SPTB: variants seen among roughly 807,000 people sequenced by gnomAD.
SPTB encodes the protein spectrin beta, erythrocytic.
Under a neutral mutation model 256.2 loss-of-function variants are expected in SPTB, and 45 were observed. That is an observed-to-expected ratio of 0.18 (90% CI 0.14 to 0.23). The LOEUF (loss-of-function observed/expected upper bound fraction) is 0.23. Ranked by LOEUF, SPTB falls within the 10% of genes least tolerant of loss-of-function variation. SPTB has a pLI of 1.00. For synonymous variants in SPTB, 1,231 were observed against 1,243.1 expected, an observed-to-expected ratio of 0.99 and a Z score of 0.21; for missense variants, 2,715 against 3,040.4, an observed-to-expected ratio of 0.89 and a Z score of 2.52.
At chr14:64,833,566 A>T (rs1360808442) in intron 1 of SPTB, among the ~76,000 whole-genome samples, 2 of 151,156 alleles carry the variant, frequency 1.3e-5, no homozygotes, top group East Asian at 3.9e-4. Flanking sequence ...AAAAAAAAAG[A>T]AAAGAAACCT....
Position 64,830,567 on chromosome 14 carries a change from C to T in SPTB, c.-51-7422G>A, listed in dbSNP as rs144734689. Among the ~76,000 whole-genome samples the T allele has an allele frequency of 2.8e-4, 43 of 152,074 alleles. No homozygotes were observed. In the East Asian group the frequency reaches 4.1e-3, roughly 14 times the overall value. ...ATTGAGTGTTTATTCAATATTTATT[C>T]ATCACCAAGGTCAGTCATTAAGCCT... is the stretch of plus-strand genomic sequence containing the variant. On this transcript the variant is annotated intron_variant, in intron 1 of 35. Transcript: ENST00000644917.
At chr14:64,784,136 C>T (rs1304938016) in intron 19 of SPTB, 111 bp downstream of exon 19, 13 of 1,522,018 alleles carry the variant, frequency 8.5e-6, no homozygotes, top group African/African-American at 5.5e-5. Context: ...TTCGCTGCCA[C>T]GTTCTGTACT....
chr14:64,797,834 C>T lies in SPTB; in HGVS notation c.1077G>A (p.Lys359=), dbSNP rs1382289922. ...TAAAAAGTAGAACTTCCAGATTCCC[C>T]TTCTCTTGAAACCTGTCAAGAAAAC... ...TVEKPPKFQE[K]GNLEVLLFTI... Residue 359 remains lysine (K), a synonymous_variant, in exon 10 of 36, where the codon AAG becomes AAA. Coordinates refer to ENST00000644917, the MANE Select transcript of SPTB (RefSeq NM_001355436.2). The T allele has an allele frequency of 3.1e-6, 5 of 1,613,696 alleles. No homozygotes were observed. Among genetic ancestry groups the T allele is most frequent in the African/African-American group, 1.3e-5 (1 of 74,908 alleles).
intron 32 of SPTB, chr14:64,756,121 C>T (rs916748860): frequency 1.3e-5 from 2 of 152,146 alleles, no homozygotes; most frequent in East Asian, 1.9e-4. Flanking sequence ...TAATAAAAAC[C>T]GCAAGGCAGA....
chr14:64,818,304 T>C (rs17102165), intron 2 of SPTB, among the ~76,000 whole-genome samples: 3,480 of 152,302 alleles, frequency 0.023, 135 homozygotes, highest in African/African-American at 0.079. Context: ...CTCCCTGCAC[T>C]GCGAGATGCC....
rs1566731898 is a variant in SPTB at position 64,751,946 on chromosome 14, T to TAAAAAAAAA, written c.6602+1590_6602+1591insTTTTTTTTT. Among the ~76,000 whole-genome samples, 72 of 90,460 alleles carry TAAAAAAAAA rather than the reference T, an allele frequency of 8.0e-4. 3 individuals are homozygous for TAAAAAAAAA. The highest frequency in any genetic ancestry group is 1.3e-3 in the Non-Finnish European group (54 of 40,384). 59.3% of individuals were successfully genotyped at this position (90,460 alleles called of 152,430 possible). A position where few individuals can be genotyped will look rare whatever the true frequency, so the allele number is the denominator to read the frequency against. On this transcript the variant is annotated intron_variant, in intron 33 of 35. Coordinates refer to ENST00000644917, the MANE Select transcript of SPTB (RefSeq NM_001355436.2). ...AAAATGCAAAAAAAAAAAAAAAAAT[T>TAAAAAAAAA]AGCCAGGCGTGGTGGCACGTGCCTG...
chr14:64,840,642 T>C (rs571916830), intron 1 of SPTB, among the ~76,000 whole-genome samples: 23 of 152,306 alleles, frequency 1.5e-4, no homozygotes, highest in Non-Finnish European at 2.5e-4. Flanking sequence ...AGCGAACCTA[T>C]TCACACACCT....
At chr14:64,808,552 C>T (rs1315677241) in intron 2 of SPTB, among the ~76,000 whole-genome samples, 1 of 152,100 alleles carries the variant, frequency 6.6e-6, no homozygotes, top group Non-Finnish European at 1.5e-5. Context: ...GTACATGGAA[C>T]GGGCTGGCAC....
At chr14:64,804,459 G>C (rs192036) in intron 3 of SPTB, among the ~76,000 whole-genome samples, 10 of 152,038 alleles carry the variant, frequency 6.6e-5, no homozygotes, top group Admixed American at 5.2e-4. Context: ...GCTTACTCTG[G>C]GCTGAGCAAA....
chr14:64,862,349 C>T (rs1482639280), intron 1 of SPTB, among the ~76,000 whole-genome samples: 1 of 152,060 alleles, frequency 6.6e-6, no homozygotes, highest in East Asian at 1.9e-4. Flanking sequence ...TGCAAAAATG[C>T]TTTAAGACTT....
intron 2 of SPTB, among the ~76,000 whole-genome samples, chr14:64,814,431 CTGTT>C (rs1450570928): frequency 3.3e-5 from 5 of 152,058 alleles, no homozygotes; most frequent in African/African-American, 4.8e-5. Flanking sequence ...TTTCCTTTAT[CTGTT>C]TTTCTCATAT....
Position 64,786,130 on chromosome 14 carries a change from C to T in SPTB, c.3562-179G>A, listed in dbSNP as rs984867592. On this transcript the variant is annotated intron_variant, in intron 16 of 35. Coordinates refer to ENST00000644917, the MANE Select transcript of SPTB (RefSeq NM_001355436.2). The surrounding 1 kb of genome is among the most constrained non-coding windows in gnomAD (Gnocchi z 5.6). The stretch of plus-strand genomic sequence containing the variant: ...TGCCCCCACCCCTACCCCAGGGGCA[C>T]ACAATAAACAGTGTGCCTAAAGCCA... Among the ~76,000 whole-genome samples the T allele has an allele frequency of 6.6e-6, 1 of 152,086 alleles. No individual in the cohort carries two copies. Among genetic ancestry groups the T allele is most frequent in the Non-Finnish European group, 1.5e-5 (1 of 68,016 alleles).
intron 2 of SPTB, among the ~76,000 whole-genome samples, chr14:64,809,123 A>T (rs1160675002): frequency 6.6e-6 from 1 of 151,950 alleles, no homozygotes; most frequent in African/African-American, 2.4e-5. Context: ...TTAGCCAGGC[A>T]TGGTGGCAAG....
At chr14:64,812,692 T>C (rs990779916) in intron 2 of SPTB, among the ~76,000 whole-genome samples, 1 of 152,124 alleles carries the variant, frequency 6.6e-6, no homozygotes, top group Non-Finnish European at 1.5e-5. Flanking sequence ...CTTCACCTCC[T>C]GACGTCACGG....
Position 64,767,828 on chromosome 14 carries a change from G to A in SPTB, c.6054C>T (p.Ala2018=), listed in dbSNP as rs1046782298. The A allele has an allele frequency of 1.2e-6, 2 of 1,614,050 alleles. No individual in the cohort carries two copies. The highest frequency in any genetic ancestry group is 1.7e-6 in the Non-Finnish European group (2 of 1,179,968). The change falls in exon 30 of 36, where the codon GCC becomes GCT. Residue 2018 remains alanine (A), a synonymous_variant. Coordinates refer to ENST00000644917, the MANE Select transcript of SPTB (RefSeq NM_001355436.2). ...LLEVCQFSRD[A]SVAEAWLIAQ... is the part of the protein sequence containing the mutation. ...CAATCAGCCACGCCTCAGCCACAGA[G>A]GCATCCCTCGAGAACTGGCACACCT...
At chr14:64,833,026 CACAG>C (rs1314585829) in intron 1 of SPTB, among the ~76,000 whole-genome samples, 2 of 152,208 alleles carry the variant, frequency 1.3e-5, no homozygotes, top group Non-Finnish European at 2.9e-5. Flanking sequence ...CATAATAAAT[CACAG>C]ACAAAGCCCT....
intron 2 of SPTB, among the ~76,000 whole-genome samples, chr14:64,818,428 G>A (rs2083230544): frequency 1.3e-5 from 2 of 152,176 alleles, no homozygotes. Flanking sequence ...AGGGAAGAGA[G>A]AAAGGGGAAT....
Position 64,845,480 on chromosome 14 carries a change from T to C in SPTB, c.-51-22335A>G, listed in dbSNP as rs1260837106. ...CTGCCAGTCTCCTCATCTCCATCAA[T>C]TAGAAAAAGAGAACCAAACTGGAAT... On this transcript the variant is annotated intron_variant, in intron 1 of 35. Coordinates refer to ENST00000644917, the MANE Select transcript of SPTB (RefSeq NM_001355436.2). This position sits in a 1 kb window ranked among gnomAD's most constrained non-coding sequence, Gnocchi z 4.8. Among the ~76,000 whole-genome samples the C allele has an allele frequency of 6.6e-6, 1 of 152,170 alleles. No homozygotes were observed. The highest frequency in any genetic ancestry group is 1.5e-5 in the Non-Finnish European group (1 of 68,026).
At chr14:64,822,374 T>TCTCACACACACACACACA in intron 2 of SPTB, among the ~76,000 whole-genome samples, 1 of 1,016 alleles carries the variant, frequency 9.8e-4, no homozygotes, top group Non-Finnish European at 1.6e-3. Context: ...TCTCTCTCTC[T>TCTCACACACACACACACA]CACACACACA....
Sources: allele counts gnomAD v4.1 joint callset (sites outside exome capture counted in the v4.1 genomes callset), GRCh38; gene constraint gnomAD v4.1.1; non-coding constraint Gnocchi (gnomAD v3.1); transcripts MANE v1.5; gene names NCBI Gene and HGNC (gene_info 2026-07-23, HGNC 2026-07-21).